The following VPS36 variants were observed in gnomAD, a reference collection of about 807,000 sequenced individuals.
VPS36 encodes the protein vacuolar protein-sorting-associated protein 36.
In VPS36, 31 loss-of-function variants were observed where a neutral mutation model predicts 63.5. That is an observed-to-expected ratio of 0.49 (90% confidence interval 0.37 to 0.66). The LOEUF (loss-of-function observed/expected upper bound fraction) is 0.66, where lower values mean the gene tolerates loss of function less well. Among genes scored for constraint, VPS36 ranks in the 30% least tolerant of loss-of-function variants. The probability of loss-of-function intolerance (pLI) is 0.00; values close to 1 mark genes in which losing one functional copy is unlikely to be tolerated. For missense variants in VPS36, 338 were observed against 463.7 expected (o/e 0.73, Z 2.49); for synonymous variants, 138 against 157.2 (o/e 0.88, Z 0.91).
rs1227765659 is a variant in VPS36, at chr13:52,415,895, G to A, written c.1096C>T (p.Leu366Phe). The A allele has an allele frequency of 6.2e-7, 1 of 1,613,808 alleles. No homozygotes were observed. Among genetic ancestry groups the A allele is most frequent in the Non-Finnish European group, 8.5e-7 (1 of 1,180,010 alleles). ...CCTTCCACTGAGTCATCACGGCAAA[G>A]ATGGCCCATCTTCTCTGCAAGCAGC... ...RLLLAEKMGH[L>F]CRDDSVEGLR... The change falls in exon 14 of 14, where the codon CTT (leucine) becomes TTT (phenylalanine). Residue 366 changes from leucine (L) to phenylalanine (F), a missense_variant. Physicochemically the swap from Leu to Phe is conservative, Grantham distance 22. Transcript: ENST00000378060.
chr13:52,427,233 T>C lies in VPS36; in HGVS notation c.529-14A>G, dbSNP rs374040618. 1 of 1,612,942 alleles carries C rather than the reference T, an allele frequency of 6.2e-7. No homozygotes were observed. The highest frequency in any genetic ancestry group is 1.7e-5 in the Admixed American group (1 of 59,882). ...GTCTTCAAAGGCCTGAAATGAGAAA[T>C]GAATTTTGGTTGAAATCCATCTAAA... On this transcript the variant is annotated splice_polypyrimidine_tract_variant and intron_variant, in intron 6 of 13. Coordinates refer to ENST00000378060, the MANE Select transcript of VPS36 (RefSeq NM_016075.4).
At chr13:52,448,271 AT>A (rs570186222) in intron 1 of VPS36, among the ~76,000 whole-genome samples, 9 of 152,320 alleles carry the variant, frequency 5.9e-5, no homozygotes, top group Non-Finnish European at 8.8e-5. Context: ...AGGGAGACTA[AT>A]TTCACCAGAT....
intron 5 of VPS36, among the ~76,000 whole-genome samples, chr13:52,434,483 T>C: frequency 6.6e-6 from 1 of 152,050 alleles, no homozygotes; most frequent in East Asian, 1.9e-4. Context: ...CTCAGCCTTC[T>C]GAGCAGCTGG....
At chr13:52,438,450 GAAGTGCCT>G (rs2042310300) in intron 3 of VPS36, among the ~76,000 whole-genome samples, 1 of 152,172 alleles carries the variant, frequency 6.6e-6, no homozygotes. Context: ...AACTTCTACT[GAAGTGCCT>G]AATTATGCTA....
chr13:52,437,615 C>T (rs986014595), intron 3 of VPS36, among the ~76,000 whole-genome samples: 1 of 151,876 alleles, frequency 6.6e-6, no homozygotes, highest in African/African-American at 2.4e-5. Flanking sequence ...CATCCAATTA[C>T]TATACTTCAT....
chr13:52,424,041 G>T (rs549586642), intron 9 of VPS36, among the ~76,000 whole-genome samples: 5 of 152,058 alleles, frequency 3.3e-5, no homozygotes, highest in African/African-American at 1.2e-4. Flanking sequence ...TGTATTTTTA[G>T]TAGGGACAGG....
chr13:52,421,019 G>T (rs1303586802), intron 10 of VPS36, among the ~76,000 whole-genome samples: 3 of 152,154 alleles, frequency 2.0e-5, no homozygotes, highest in Non-Finnish European at 4.4e-5. Context: ...TACTTGAGAA[G>T]CTGAAGCACA....
chr13:52,416,217 CCTA>C, intron 12 of VPS36, 124 bp from the exon 13 acceptor site: 1 of 925,950 alleles, frequency 1.1e-6, no homozygotes, highest in South Asian at 1.7e-5. Context: ...TACTGAATGT[CCTA>C]CTAAAATCCA....
chr13:52,450,377 G>T (rs1958389798), intron 1 of VPS36, 122 bp downstream of exon 1: 4 of 1,256,944 alleles, frequency 3.2e-6, no homozygotes, highest in Non-Finnish European at 4.0e-6. Flanking sequence ...CTGCCGGGCC[G>T]CCGAGGGCCG....
chr13:52,430,885 T>G (rs547215822), intron 6 of VPS36, among the ~76,000 whole-genome samples: 2 of 150,886 alleles, frequency 1.3e-5, no homozygotes, highest in South Asian at 4.2e-4. Context: ...CAACACTTCA[T>G]GCCAGACCAA....
chr13:52,419,065 G>A (rs1034792654), intron 10 of VPS36, among the ~76,000 whole-genome samples: 2 of 152,204 alleles, frequency 1.3e-5, no homozygotes, highest in African/African-American at 2.4e-5. Context: ...GGATAAATGA[G>A]GTAACACATG....
chr13:52,422,019 T>C (rs566397548), intron 10 of VPS36, among the ~76,000 whole-genome samples: 44 of 152,170 alleles, frequency 2.9e-4, no homozygotes, highest in Non-Finnish European at 6.2e-4. Context: ...AAATATACAA[T>C]ACATTGTTGC....
chr13:52,415,932 A>T lies in VPS36; in HGVS notation c.1068-9T>A. On this transcript the variant is annotated splice_polypyrimidine_tract_variant and intron_variant, in intron 13 of 13. Coordinates refer to ENST00000378060, the MANE Select transcript of VPS36 (RefSeq NM_016075.4). ...TCTCTGCAAGCAGCAACCTAAAAAA[A>T]AACAACAAAAAAACCCCCACACAAT... The T allele has an allele frequency of 2.5e-6, 4 of 1,613,452 alleles. No homozygotes were observed. Among genetic ancestry groups the T allele is most frequent in the Non-Finnish European group, 3.4e-6 (4 of 1,179,882 alleles).
intron 9 of VPS36, among the ~76,000 whole-genome samples, chr13:52,424,803 T>C (rs1235481698): frequency 6.6e-6 from 1 of 151,932 alleles, no homozygotes; most frequent in Non-Finnish European, 1.5e-5. Flanking sequence ...CTGGCCAACA[T>C]GGTGAAACTC....
chr13:52,433,556 C>A, intron 6 of VPS36, 106 bp downstream of exon 6: 2 of 957,740 alleles, frequency 2.1e-6, no homozygotes, highest in Non-Finnish European at 3.1e-6. Flanking sequence ...TAGCTTCAGG[C>A]AAATGAAATA....
rs187705485 is a variant in VPS36 at position 52,432,329 on chromosome 13, C to T, written c.528+1333G>A. On this transcript the variant is annotated intron_variant, in intron 6 of 13. Transcript: ENST00000378060. ...TCGAGCCACTGCACTCCAGCCTGGGCGACAGAGCAAGACTCTGTCTCAAAA... is the reference window on the plus strand; with the variant it reads ...TCGAGCCACTGCACTCCAGCCTGGGTGACAGAGCAAGACTCTGTCTCAAAA... Among the ~76,000 whole-genome samples, 1,135 of 151,792 alleles carry T rather than the reference C, an allele frequency of 7.5e-3. 6 individuals carry two copies. The highest frequency in any genetic ancestry group is 0.017 in the African/African-American group (704 of 41,358).
intron 1 of VPS36, among the ~76,000 whole-genome samples, chr13:52,446,183 T>C (rs1049152140): frequency 2.6e-5 from 4 of 150,992 alleles, no homozygotes; most frequent in African/African-American, 9.8e-5. Flanking sequence ...GGAGAAACGC[T>C]TGAACCCGGG....
chr13:52,447,481 A>G (rs1328200232), intron 1 of VPS36, among the ~76,000 whole-genome samples: 1 of 152,178 alleles, frequency 6.6e-6, no homozygotes, highest in Non-Finnish European at 1.5e-5. Context: ...AAGTCAAACA[A>G]ATGACCTGTC....
intron 1 of VPS36, among the ~76,000 whole-genome samples, chr13:52,446,191 G>A (rs566251445): frequency 2.1e-4 from 32 of 151,638 alleles, no homozygotes; most frequent in Admixed American, 2.0e-3. Flanking sequence ...GCTTGAACCC[G>A]GGAAGCAGAG....
Sources: gnomAD v4.1 joint callset for allele counts (sites outside exome capture counted in the v4.1 genomes callset) on GRCh38, gnomAD v4.1.1 for gene constraint, MANE v1.5 for transcripts, NCBI Gene and HGNC (gene_info 2026-07-23, HGNC 2026-07-21) for gene names.